TRPM6: variants seen among roughly 807,000 people sequenced by gnomAD.
TRPM6 encodes the protein transient receptor potential cation channel subfamily M member 6.
A neutral mutation model predicts 247.6 loss-of-function variants in TRPM6; 111 were observed. That is an observed-to-expected ratio of 0.45 (90% CI 0.38 to 0.52). The LOEUF is 0.52. TRPM6 is among the 20% of genes least tolerant of loss of function. The probability of loss-of-function intolerance (pLI) is 0.00; values close to 1 mark genes in which losing one functional copy is unlikely to be tolerated. For synonymous variants in TRPM6, 892 were observed against 853.8 expected (o/e 1.04, Z -0.78); for missense variants, 2,126 against 2,421.5 (o/e 0.88, Z 2.56).
At chr9:74,800,610 G>C in intron 16 of TRPM6, 128 bp from the exon 17 acceptor site, 1 of 662,030 alleles carries the variant, frequency 1.5e-6, no homozygotes, top group Non-Finnish European at 2.6e-6. Context: ...CAATTCATAA[G>C]GCTTCCTTTA....
At chr9:74,775,453 C>T (rs1422599520) in intron 24 of TRPM6, among the ~76,000 whole-genome samples, 23 of 152,134 alleles carry the variant, frequency 1.5e-4, no homozygotes, top group Non-Finnish European at 1.6e-4. Flanking sequence ...TGGTTAAAGC[C>T]CAGCTTTGCT....
At chr9:74,735,985 A>C (rs1460137192) in intron 36 of TRPM6, among the ~76,000 whole-genome samples, 1 of 152,250 alleles carries the variant, frequency 6.6e-6, no homozygotes. Context: ...GCCTTCTTCT[A>C]TAGAAGCTGA....
At chr9:74,790,785 CAT>C (rs1827873759) in intron 19 of TRPM6, among the ~76,000 whole-genome samples, 1 of 152,172 alleles carries the variant, frequency 6.6e-6, no homozygotes, top group Admixed American at 6.5e-5. Flanking sequence ...AGACTACAAA[CAT>C]ATTCGATAAG....
chr9:74,883,333 G>T (rs907565546), intron 1 of TRPM6, among the ~76,000 whole-genome samples: 2 of 152,074 alleles, frequency 1.3e-5, no homozygotes, highest in African/African-American at 2.4e-5. Context: ...AATTTTTAAT[G>T]ATTGTGATTT....
intron 2 of TRPM6, among the ~76,000 whole-genome samples, chr9:74,856,491 A>G (rs1348743524): frequency 8.8e-6 from 1 of 113,576 alleles, no homozygotes; most frequent in African/African-American, 3.5e-5. Flanking sequence ...GTGTGTGTGA[A>G]GAAGTATTAA....
chr9:74,772,964 A>G lies in TRPM6; in HGVS notation c.3404-1129T>C, dbSNP rs1203046730. ...TTAAACTCTCAGCTCCTTAAAACAA[A>G]CAAACAAAAAAAATTAGCTGGGTGT... is the stretch of plus-strand genomic sequence containing the variant. On this transcript the variant is annotated intron_variant, in intron 24 of 38. Transcript: ENST00000360774. Among the ~76,000 whole-genome samples, 3 of 152,140 alleles carry G rather than the reference A, an allele frequency of 2.0e-5. No individual in the cohort carries two copies. In the East Asian group the frequency reaches 5.8e-4, roughly 29 times the overall value.
chr9:74,738,743 CT>C, intron 35 of TRPM6, 131 bp from the exon 36 acceptor site: 1 of 805,560 alleles, frequency 1.2e-6, no homozygotes, highest in Non-Finnish European at 2.1e-6. Flanking sequence ...TGCCCTTGCC[CT>C]TTCTATGGAA....
intron 16 of TRPM6, among the ~76,000 whole-genome samples, chr9:74,800,806 A>T (rs1314971714): frequency 6.6e-6 from 1 of 151,224 alleles, no homozygotes; most frequent in African/African-American, 2.4e-5. Flanking sequence ...GGGAGTAGCC[A>T]CTCCACACTA....
Position 74,724,325 on chromosome 9 carries a change from C to G in TRPM6, c.*288G>C. 1 of 466,192 alleles carries G rather than the reference C, an allele frequency of 2.1e-6. No individual in the cohort carries two copies. Among genetic ancestry groups the G allele is most frequent in the East Asian group, 4.3e-5 (1 of 23,224 alleles). 28.9% of individuals were successfully genotyped at this position (466,192 alleles called of 1,614,324 possible). A position where few individuals can be genotyped will look rare whatever the true frequency, so the allele number is the denominator to read the frequency against. On this transcript the variant is annotated 3_prime_UTR_variant, in exon 39 of 39. Coordinates refer to ENST00000360774, the MANE Select transcript of TRPM6 (RefSeq NM_017662.5). Reference sequence around the variant, plus strand: ...GATTCTGCTCCAAAGTTCCAAGTGACCAGCTAAAGCAATGAGGTACACAAG... The same window carrying G: ...GATTCTGCTCCAAAGTTCCAAGTGAGCAGCTAAAGCAATGAGGTACACAAG...
At chr9:74,779,923 C>T (rs1169670724) in intron 23 of TRPM6, among the ~76,000 whole-genome samples, 2 of 152,204 alleles carry the variant, frequency 1.3e-5, no homozygotes, top group Non-Finnish European at 2.9e-5. Context: ...CCTGTAATCC[C>T]AGCACTTTGG....
intron 38 of TRPM6, among the ~76,000 whole-genome samples, chr9:74,725,410 A>G (rs1825282228): frequency 6.6e-6 from 1 of 152,178 alleles, no homozygotes; most frequent in South Asian, 2.1e-4. Flanking sequence ...AAATAAAACT[A>G]ATACATATTA....
At chr9:74,774,787 T>G (rs946276621) in intron 24 of TRPM6, among the ~76,000 whole-genome samples, 1 of 152,248 alleles carries the variant, frequency 6.6e-6, no homozygotes, top group Non-Finnish European at 1.5e-5. Context: ...TCAAACATAT[T>G]GCTATTTTCT....
chr9:74,807,243 T>G (rs1473498331), intron 14 of TRPM6, among the ~76,000 whole-genome samples: 1 of 152,064 alleles, frequency 6.6e-6, no homozygotes, highest in Non-Finnish European at 1.5e-5. Flanking sequence ...GCCTTTCCAG[T>G]CTCCTCCCTT....
chr9:74,776,163 G>T, intron 23 of TRPM6, 87 bp from the exon 24 acceptor site: 1 of 1,185,170 alleles, frequency 8.4e-7, no homozygotes, highest in Non-Finnish European at 1.3e-6. Context: ...TTTATGATTG[G>T]CTCACCTGAC....
At chr9:74,804,568 A>T in intron 14 of TRPM6, 1 of 743,622 alleles carries the variant, frequency 1.3e-6, no homozygotes, top group South Asian at 1.4e-5. Flanking sequence ...GAGGAATTTC[A>T]GGGTGAATGG....
chr9:74,887,670 C>T (rs778762011), intron 1 of TRPM6, 154 bp downstream of exon 1: 2 of 1,601,220 alleles, frequency 1.2e-6, no homozygotes, highest in Non-Finnish European at 1.7e-6. Context: ...GACCAGAGAA[C>T]TTGAAAGCCG....
rs989638307 is a variant in TRPM6 at position 74,855,778 on chromosome 9, C to CA, written c.114-214dup. 4.6e-5 allele frequency among the ~76,000 whole-genome samples: 7 copies of CA among 152,162 alleles called. No homozygotes were observed. The South Asian group carries it at 1.0e-3, about 23-fold the overall frequency. On this transcript the variant is annotated intron_variant, in intron 2 of 38. Coordinates refer to ENST00000360774, the MANE Select transcript of TRPM6 (RefSeq NM_017662.5). ...ATTAATACAACATTCAGTTTAGAAC[C>CA]AAAATACCTCAATTTAAATCTCATT...
chr9:74,882,036 A>G (rs879002200), intron 1 of TRPM6, among the ~76,000 whole-genome samples: 1 of 152,186 alleles, frequency 6.6e-6, no homozygotes, highest in African/African-American at 2.4e-5. Context: ...CTCTCACCAT[A>G]TACAAAAATC....
At chr9:74,814,703 C>T (rs1025458118) in intron 11 of TRPM6, among the ~76,000 whole-genome samples, 2 of 152,188 alleles carry the variant, frequency 1.3e-5, no homozygotes, top group African/African-American at 4.8e-5. Flanking sequence ...ATAATCCCAG[C>T]ACTTTGGGAG....
Sources: allele counts gnomAD v4.1 joint callset (sites outside exome capture counted in the v4.1 genomes callset), GRCh38; gene constraint gnomAD v4.1.1; transcripts MANE v1.5; gene names NCBI Gene and HGNC (gene_info 2026-07-23, HGNC 2026-07-21).